DNAJC15: variants seen among roughly 807,000 people sequenced by gnomAD.
DNAJC15 encodes the protein DnaJ heat shock protein family (Hsp40) member C15.
DNAJC15 carries 27 observed loss-of-function variants against 22.4 expected under a neutral mutation model. The ratio of observed to expected loss-of-function variants is 1.20; its 90% CI spans 0.89 to 1.66. The LOEUF (loss-of-function observed/expected upper bound fraction) is 1.66, where lower values mean the gene tolerates loss of function less well. Among genes scored for constraint, DNAJC15 ranks in the 40% most tolerant of loss-of-function variants. The probability of loss-of-function intolerance (pLI) is 0.00; values close to 1 mark genes in which losing one functional copy is unlikely to be tolerated. For synonymous variants in DNAJC15, 79 were observed against 63.2 expected (o/e 1.25, Z -1.19); for missense variants, 208 against 187.1 (o/e 1.11, Z -0.65).
chr13:43,061,677 A>G (rs762127480), intron 1 of DNAJC15, among the ~76,000 whole-genome samples: 11 of 152,184 alleles, frequency 7.2e-5, no homozygotes, highest in Non-Finnish European at 1.6e-4. Flanking sequence ...GGTGCCACAT[A>G]CTTTTCAATG....
intron 5 of DNAJC15, among the ~76,000 whole-genome samples, chr13:43,086,039 A>G (rs2040686703): frequency 6.6e-6 from 1 of 152,168 alleles, no homozygotes; most frequent in Admixed American, 6.5e-5. Flanking sequence ...GCTTTCAAGA[A>G]CTTAGTTGCT....
intron 5 of DNAJC15, among the ~76,000 whole-genome samples, chr13:43,095,864 G>C (rs1219560747): frequency 6.6e-6 from 1 of 152,114 alleles, no homozygotes; most frequent in Non-Finnish European, 1.5e-5. Context: ...AATTGGTGCA[G>C]GGCTAAGGAA....
At chr13:43,061,084 G>A (rs879200320) in intron 1 of DNAJC15, among the ~76,000 whole-genome samples, 4 of 152,170 alleles carry the variant, frequency 2.6e-5, no homozygotes, top group Admixed American at 2.0e-4. Flanking sequence ...AGATTTCCAC[G>A]ATGGAAAGGA....
rs1467689456 is a variant in DNAJC15 at position 43,109,724 on chromosome 13, G to A, written c.*2476G>A. ...CGGGGCCTGTTGTGGGGCGGGGAGA[G>A]GGGGGAGGGATCGCATTTGGAGATA... On this transcript the variant is annotated 3_prime_UTR_variant, in exon 6 of 6. Coordinates refer to ENST00000379221, the MANE Select transcript of DNAJC15 (RefSeq NM_013238.3). 6.6e-6 allele frequency: 1 copy of A among 152,070 alleles called. No individual in the cohort carries two copies. Among genetic ancestry groups the A allele is most frequent in the African/African-American group, 2.4e-5 (1 of 41,396 alleles). 9.4% of individuals were successfully genotyped at this position (152,070 alleles called of 1,614,324 possible).
intron 3 of DNAJC15, among the ~76,000 whole-genome samples, chr13:43,069,949 CTG>C (rs146030632): frequency 0.014 from 2,062 of 152,286 alleles, 45 homozygotes; most frequent in African/African-American, 0.044. Flanking sequence ...ACCAGAAAGA[CTG>C]TCATTTTTTC....
intron 1 of DNAJC15, among the ~76,000 whole-genome samples, chr13:43,034,595 G>T (rs567035469): frequency 2.0e-5 from 3 of 146,908 alleles, no homozygotes; most frequent in Non-Finnish European, 4.5e-5. Flanking sequence ...GATTACAGGC[G>T]TGAGCCACCG....
chr13:43,101,101 C>T (rs923562778), intron 5 of DNAJC15, among the ~76,000 whole-genome samples: 2 of 152,220 alleles, frequency 1.3e-5, no homozygotes, highest in African/African-American at 2.4e-5. Context: ...CAGGATATGT[C>T]TTTTTCCATC....
At chr13:43,077,326 C>G (rs892139767) in intron 3 of DNAJC15, among the ~76,000 whole-genome samples, 1 of 152,154 alleles carries the variant, frequency 6.6e-6, no homozygotes, top group Non-Finnish European at 1.5e-5. Context: ...GATTAGCAAG[C>G]TATACTTTTA....
intron 1 of DNAJC15, among the ~76,000 whole-genome samples, chr13:43,056,376 G>A (rs893576089): frequency 6.6e-6 from 1 of 152,148 alleles, no homozygotes; most frequent in Non-Finnish European, 1.5e-5. Flanking sequence ...GACCTCAGGT[G>A]ATCCACCTGC....
At chr13:43,107,157 C>T (rs368339708) in intron 5 of DNAJC15, 21 bp from the exon 6 acceptor site, 1 of 1,538,510 alleles carries the variant, frequency 6.5e-7, no homozygotes, top group Non-Finnish European at 8.7e-7. Flanking sequence ...TATTTTAATT[C>T]ATTTTTCTTT....
chr13:43,026,971 T>C (rs1251978516), intron 1 of DNAJC15, among the ~76,000 whole-genome samples: 2 of 152,228 alleles, frequency 1.3e-5, no homozygotes, highest in African/African-American at 4.8e-5. Context: ...CTAATGTTCA[T>C]TAGCCTGCTT....
rs899772980 is a variant in DNAJC15, at chr13:43,051,661, G to GTGTGTGTGTGTA, written c.109-14024_109-14023insGTGTGTGTGTAT. Reference sequence around the variant, plus strand: ...TGTGTGTGTGTGTGTGTGTGTGTGTGTATATATATCACATTTTCTTTATCC... The same window carrying GTGTGTGTGTGTA: ...TGTGTGTGTGTGTGTGTGTGTGTGTGTGTGTGTGTGTATATATATATCACATTTTCTTTATCC... On this transcript the variant is annotated intron_variant, in intron 1 of 5. Coordinates refer to ENST00000379221, the MANE Select transcript of DNAJC15 (RefSeq NM_013238.3). 5.8e-4 allele frequency among the ~76,000 whole-genome samples: 45 copies of GTGTGTGTGTGTA among 78,104 alleles called. No individual in the cohort carries two copies. The East Asian group carries it at 8.4e-3, about 15-fold the overall frequency. The allele number at this position is 78,104 out of a possible 152,430, so 51.2% of individuals were successfully genotyped here. A position where few individuals can be genotyped will look rare whatever the true frequency, so the allele number is the denominator to read the frequency against.
intron 5 of DNAJC15, among the ~76,000 whole-genome samples, chr13:43,101,527 A>G (rs2040769081): frequency 1.3e-5 from 2 of 152,180 alleles, no homozygotes; most frequent in Non-Finnish European, 1.5e-5. Context: ...CAAGCAGTGT[A>G]CACTGTACCT....
intron 5 of DNAJC15, among the ~76,000 whole-genome samples, chr13:43,086,353 T>C (rs1431349085): frequency 1.3e-5 from 2 of 152,210 alleles, no homozygotes; most frequent in African/African-American, 2.4e-5. Context: ...ACAATTATTA[T>C]AACTTTAACT....
intron 1 of DNAJC15, among the ~76,000 whole-genome samples, chr13:43,042,304 G>A (rs1346153388): frequency 2.0e-5 from 3 of 152,156 alleles, no homozygotes; most frequent in African/African-American, 7.2e-5. Flanking sequence ...ACTTATGTGA[G>A]TATGGTCTCT....
At chr13:43,069,155 G>T in intron 3 of DNAJC15, 152 bp downstream of exon 3, 2 of 676,134 alleles carry the variant, frequency 3.0e-6, no homozygotes, top group Non-Finnish European at 4.7e-6. Context: ...TAATTTACTG[G>T]CTCAGTTTCT....
At chr13:43,054,553 G>A (rs2040520402) in intron 1 of DNAJC15, among the ~76,000 whole-genome samples, 1 of 151,966 alleles carries the variant, frequency 6.6e-6, no homozygotes, top group South Asian at 2.1e-4. Flanking sequence ...TTTGTTGACA[G>A]TTTTTTTGAT....
At position 43,090,116 on chromosome 13, in the gene DNAJC15, A is replaced by G. The variant is rs145176350; in HGVS notation, c.382+4278A>G. On this transcript the variant is annotated intron_variant, in intron 5 of 5. Transcript: ENST00000379221. ...TTATTTGAGCAATGAATGATTCATGAATTGGGCAGCACTCAGAACCAGAAG... is the reference window on the plus strand; with the variant it reads ...TTATTTGAGCAATGAATGATTCATGGATTGGGCAGCACTCAGAACCAGAAG... Among the ~76,000 whole-genome samples the G allele has an allele frequency of 7.1e-3, 1,082 of 152,364 alleles. 3 individuals are homozygous for G. Among genetic ancestry groups the G allele is most frequent in the Non-Finnish European group, 0.012 (841 of 68,032 alleles).
At chr13:43,035,127 A>G (rs2040423570) in intron 1 of DNAJC15, among the ~76,000 whole-genome samples, 2 of 152,150 alleles carry the variant, frequency 1.3e-5, no homozygotes, top group African/African-American at 4.8e-5. Flanking sequence ...GGACAGTAGA[A>G]TTTTTCCCTG....
Sources: gnomAD v4.1 joint callset for allele counts (sites outside exome capture counted in the v4.1 genomes callset) on GRCh38, gnomAD v4.1.1 for gene constraint, MANE v1.5 for transcripts, NCBI Gene and HGNC (gene_info 2026-07-23, HGNC 2026-07-21) for gene names.